Variants in TRIO observed in about 807,000 individuals in gnomAD.
TRIO encodes triple functional domain protein.
Under a neutral mutation model 351.9 loss-of-function variants are expected in TRIO, and 58 were observed. The observed-to-expected ratio is 0.16, with a 90% CI of 0.13 to 0.21. The LOEUF is 0.21. TRIO is among the 10% of genes least tolerant of loss of function. The probability of loss-of-function intolerance (pLI) is 1.00; values close to 1 mark genes in which losing one functional copy is unlikely to be tolerated. For synonymous variants in TRIO, 1,758 were observed against 1,595.7 expected, an observed-to-expected ratio of 1.10 and a Z score of -2.42; for missense variants, 3,201 against 4,027.8, an observed-to-expected ratio of 0.79 and a Z score of 5.56.
intron 9 of TRIO, among the ~76,000 whole-genome samples, chr5:14,323,694 C>T (rs921403052): frequency 5.3e-5 from 8 of 152,154 alleles, no homozygotes; most frequent in Admixed American, 5.2e-4. Flanking sequence ...GCTTGGCCTC[C>T]GTGGGAGAGG....
In TRIO at chr5:14,485,245, T is replaced by C. The variant is rs1755832363; in HGVS notation, c.6834T>C (p.Asn2278=). The change falls in exon 47 of 57, where the codon AAT becomes AAC. Residue 2278 remains asparagine (N), a splice_region_variant and synonymous_variant. Transcript: ENST00000344204. Reference sequence around the variant, plus strand: ...TAGAAAACCAGCGCAATTTTTTAAATGGTAATGTGTGTTCTGTTACTAGAT... The same window carrying C: ...TAGAAAACCAGCGCAATTTTTTAAACGGTAATGTGTGTTCTGTTACTAGAT... ...QILENQRNFL[N]ALTSPIEYQR... is the part of the protein sequence containing the mutation. 6.3e-7 allele frequency: 1 copy of C among 1,577,944 alleles called. No homozygotes were observed. The highest frequency in any genetic ancestry group is 8.7e-7 in the Non-Finnish European group (1 of 1,154,182).
At chr5:14,366,283 A>G (rs752322305) in intron 15 of TRIO, among the ~76,000 whole-genome samples, 2 of 152,142 alleles carry the variant, frequency 1.3e-5, no homozygotes, top group South Asian at 2.1e-4. Flanking sequence ...ACCTCCCACA[A>G]TCTGTGGTTT....
intron 37 of TRIO, among the ~76,000 whole-genome samples, chr5:14,469,322 AAG>A (rs1561527292): frequency 6.6e-6 from 1 of 152,170 alleles, no homozygotes; most frequent in African/African-American, 2.4e-5. Flanking sequence ...AAGAAATTAT[AAG>A]AGAGGAAAAA....
intron 8 of TRIO, among the ~76,000 whole-genome samples, chr5:14,311,350 A>G (rs1295963974): frequency 2.0e-5 from 3 of 152,236 alleles, no homozygotes; most frequent in Non-Finnish European, 4.4e-5. Flanking sequence ...TTGAATAAGA[A>G]ACTGAATAGC....
intron 42 of TRIO, 126 bp from the exon 43 acceptor site, chr5:14,479,793 G>A: frequency 1.3e-6 from 1 of 788,534 alleles, no homozygotes; most frequent in East Asian, 2.7e-5. Flanking sequence ...GCTCTAGTTA[G>A]TCTAGTGCTT....
In TRIO at chr5:14,432,375, C is replaced by T. The variant is rs1561484649; in HGVS notation, c.5203+12354C>T. Among the ~76,000 whole-genome samples, 5 of 152,196 alleles carry T rather than the reference C, an allele frequency of 3.3e-5. No individual in the cohort carries two copies. In the South Asian group the frequency reaches 8.3e-4, roughly 25 times the overall value. On this transcript the variant is annotated intron_variant, in intron 34 of 56. Coordinates refer to ENST00000344204, the MANE Select transcript of TRIO (RefSeq NM_007118.4). ...CTTTGGTGCAGGGAGGAAGCTGAAG[C>T]CCGTAGAGACAAACTCAGTTGCCCA...
At chr5:14,491,787 TC>T (rs1756507720) in intron 48 of TRIO, among the ~76,000 whole-genome samples, 1 of 152,120 alleles carries the variant, frequency 6.6e-6, no homozygotes, top group Non-Finnish European at 1.5e-5. Context: ...GGGGTACGCA[TC>T]CCACACCAGA....
chr5:14,451,745 T>A (rs1331373567), intron 34 of TRIO, among the ~76,000 whole-genome samples: 1 of 152,284 alleles, frequency 6.6e-6, no homozygotes, highest in Non-Finnish European at 1.5e-5. Flanking sequence ...CAATAACTGC[T>A]AAGTGAACAT....
intron 1 of TRIO, among the ~76,000 whole-genome samples, chr5:14,193,826 A>G (rs911607154): frequency 1.3e-5 from 2 of 152,194 alleles, no homozygotes; most frequent in African/African-American, 4.8e-5. Context: ...CTCCAAAAAT[A>G]TTACACATGA....
intron 1 of TRIO, among the ~76,000 whole-genome samples, chr5:14,230,625 A>G (rs779270057): frequency 6.6e-6 from 1 of 151,942 alleles, no homozygotes; most frequent in Admixed American, 6.6e-5. Flanking sequence ...TTTTCCATGA[A>G]TGTCTTCTCA....
chr5:14,301,771 G>A (rs1000793274), intron 7 of TRIO, among the ~76,000 whole-genome samples: 10 of 152,244 alleles, frequency 6.6e-5, no homozygotes, highest in Admixed American at 1.3e-4. Flanking sequence ...CATGCATCTC[G>A]GAACGGGGAT....
intron 11 of TRIO, among the ~76,000 whole-genome samples, chr5:14,356,326 T>C (rs1030594055): frequency 2.0e-5 from 3 of 152,268 alleles, no homozygotes; most frequent in Non-Finnish European, 4.4e-5. Context: ...CTGGTAATAG[T>C]GTGTTTTTGA....
chr5:14,247,808 C>T (rs964663159), intron 1 of TRIO, among the ~76,000 whole-genome samples: 6 of 152,146 alleles, frequency 3.9e-5, no homozygotes, highest in Admixed American at 3.9e-4. Flanking sequence ...TGGCTCACAG[C>T]TGTAATCCCA....
chr5:14,295,798 T>C (rs1472324966), intron 6 of TRIO, among the ~76,000 whole-genome samples: 1 of 152,206 alleles, frequency 6.6e-6, no homozygotes, highest in Non-Finnish European at 1.5e-5. Context: ...TTGCTGAGCA[T>C]GGCTTGACTG....
At chr5:14,434,443 C>A (rs540469474) in intron 34 of TRIO, among the ~76,000 whole-genome samples, 1 of 152,106 alleles carries the variant, frequency 6.6e-6, no homozygotes, top group Non-Finnish European at 1.5e-5. Flanking sequence ...TTCATACTCT[C>A]AGTTTCTTTA....
At chr5:14,489,515 C>T (rs1040730073) in intron 48 of TRIO, among the ~76,000 whole-genome samples, 1 of 152,180 alleles carries the variant, frequency 6.6e-6, no homozygotes, top group Non-Finnish European at 1.5e-5. Context: ...CTATACCCGT[C>T]AGCACTTAGT....
In TRIO at chr5:14,508,218, C is replaced by T. The variant is rs1414001942; in HGVS notation, c.9090C>T (p.Leu3030=). The T allele has an allele frequency of 2.5e-6, 4 of 1,613,982 alleles. No individual in the cohort carries two copies. Among genetic ancestry groups the T allele is most frequent in the African/African-American group, 1.3e-5 (1 of 74,940 alleles). Residue 3030 remains leucine (L), a synonymous_variant, in exon 57 of 57, where the codon CTC becomes CTT. Coordinates refer to ENST00000344204, the MANE Select transcript of TRIO (RefSeq NM_007118.4). ...AGGCCAAGGAGTTCGTGTGCTTCCT[C>T]CTGCAGGAGGACCCCGCCAAGCGTC... ...SQKAKEFVCF[L]LQEDPAKRPS... is the part of the protein sequence containing the mutation.
At chr5:14,264,234 TA>T (rs1340642405) in intron 1 of TRIO, among the ~76,000 whole-genome samples, 6 of 152,110 alleles carry the variant, frequency 3.9e-5, no homozygotes, top group Non-Finnish European at 5.9e-5. Flanking sequence ...TATTTTATAT[TA>T]AAAAATAGAA....
intron 48 of TRIO, among the ~76,000 whole-genome samples, chr5:14,491,055 G>T (rs1756447024): frequency 6.6e-6 from 1 of 151,278 alleles, no homozygotes; most frequent in Non-Finnish European, 1.5e-5. Flanking sequence ...CAGAGACAAA[G>T]AACAGGAGCT....
Sources: allele counts gnomAD v4.1 joint callset (sites outside exome capture counted in the v4.1 genomes callset), GRCh38; gene constraint gnomAD v4.1.1; transcripts MANE v1.5; gene names NCBI Gene and HGNC (gene_info 2026-07-23, HGNC 2026-07-21).